The following EXOC6 variants were observed in gnomAD, a reference collection of about 807,000 sequenced individuals.
EXOC6 encodes SEC15-like 1.
EXOC6 carries 60 observed loss-of-function variants against 112.5 expected under a neutral mutation model. That is an observed-to-expected ratio of 0.53 (90% confidence interval 0.43 to 0.66). The LOEUF is 0.66. Among genes scored for constraint, EXOC6 ranks in the 30% least tolerant of loss-of-function variants. The probability of loss-of-function intolerance (pLI) is 0.00; values close to 1 mark genes in which losing one functional copy is unlikely to be tolerated. For synonymous variants in EXOC6, 295 were observed against 308.0 expected, an observed-to-expected ratio of 0.96 and a Z score of 0.44; for missense variants, 855 against 957.1, an observed-to-expected ratio of 0.89 and a Z score of 1.41.
chr10:92,969,910 T>C (rs185537427), intron 17 of EXOC6, among the ~76,000 whole-genome samples: 94 of 152,288 alleles, frequency 6.2e-4, no homozygotes, highest in African/African-American at 2.2e-3. Context: ...GCCAGGCTGG[T>C]CTCGAACTTC....
chr10:92,972,129 T>G (rs1222162480), intron 17 of EXOC6, among the ~76,000 whole-genome samples: 1 of 152,218 alleles, frequency 6.6e-6, no homozygotes, highest in Non-Finnish European at 1.5e-5. Context: ...AAGGGCTCCG[T>G]GCACATGTTG....
intron 20 of EXOC6, among the ~76,000 whole-genome samples, chr10:93,022,468 T>C (rs2134262521): frequency 6.6e-6 from 1 of 152,300 alleles, no homozygotes; most frequent in South Asian, 2.1e-4. Flanking sequence ...TAAAAGGGGC[T>C]TAAAATACTT....
At chr10:92,902,877 T>G (rs1264495813) in intron 5 of EXOC6, among the ~76,000 whole-genome samples, 1 of 152,176 alleles carries the variant, frequency 6.6e-6, no homozygotes, top group East Asian at 1.9e-4. Flanking sequence ...CCGATAATGT[T>G]TTTAAAATTC....
chr10:92,993,150 C>A (rs536604997), intron 18 of EXOC6, among the ~76,000 whole-genome samples: 1 of 152,040 alleles, frequency 6.6e-6, no homozygotes, highest in South Asian at 2.1e-4. Context: ...GATTTTATTT[C>A]GTTTTTCCTT....
At position 92,943,743 on chromosome 10, in the gene EXOC6, TCTA is replaced by T. The variant is rs544892766; in HGVS notation, c.1310+2922_1310+2924del. Among the ~76,000 whole-genome samples the T allele has an allele frequency of 3.3e-3, 501 of 152,018 alleles. 3 individuals carry two copies. Among genetic ancestry groups the T allele is most frequent in the African/African-American group, 0.011 (476 of 41,436 alleles). On this transcript the variant is annotated intron_variant, in intron 13 of 21. Transcript: ENST00000260762. Reference sequence around the variant, plus strand: ...TTTTTAGTGGTGCAAACATTTAAAATCTACTGTTGGCAATTTGAAATATATGTT... The same window carrying T: ...TTTTTAGTGGTGCAAACATTTAAAATCTGTTGGCAATTTGAAATATATGTT...
Position 92,955,590 on chromosome 10 carries a change from T to G in EXOC6, c.1649T>G (p.Ile550Ser). 2 of 1,610,516 alleles carry G rather than the reference T, an allele frequency of 1.2e-6. No homozygotes were observed. The highest frequency in any genetic ancestry group is 1.7e-6 in the Non-Finnish European group (2 of 1,178,270). Residue 550 changes from isoleucine (I) to serine (S), a missense_variant, in exon 17 of 22, where the codon ATC (isoleucine) becomes AGC (serine). This residue lies in a region of EXOC6 where 450 missense variants were observed against 563.5 expected (regional missense o/e 0.80). Transcript: ENST00000260762. ...TCTTGTGTTTTCTAGCTGGTACAAA[T>G]CATCATAAACACAACACACCTGGAG... Reference protein sequence around the residue: ...PHIGLTELVQIIINTTHLEQA... With the variant: ...PHIGLTELVQSIINTTHLEQA...
chr10:92,910,868 G>A (rs1850711078), intron 6 of EXOC6, among the ~76,000 whole-genome samples: 1 of 103,108 alleles, frequency 9.7e-6, no homozygotes, highest in Admixed American at 1.1e-4. Flanking sequence ...AGCGGAGCTT[G>A]TAGCGAGCCA....
chr10:92,954,914 A>G (rs1853606457), intron 16 of EXOC6, among the ~76,000 whole-genome samples, 173 bp downstream of exon 16: 1 of 152,198 alleles, frequency 6.6e-6, no homozygotes, highest in Non-Finnish European at 1.5e-5. Flanking sequence ...TGAGGATCCC[A>G]GGCACAGTGG....
chr10:93,051,149 T>C (rs1443810875), intron 20 of EXOC6, among the ~76,000 whole-genome samples: 2 of 51,564 alleles, frequency 3.9e-5, no homozygotes, highest in Admixed American at 3.8e-4. Flanking sequence ...GTATTCCTCT[T>C]TTTTTTTTTT....
At chr10:92,911,714 T>C (rs1850771806) in intron 6 of EXOC6, among the ~76,000 whole-genome samples, 1 of 152,166 alleles carries the variant, frequency 6.6e-6, no homozygotes, top group African/African-American at 2.4e-5. Context: ...ACAGAAACCT[T>C]TTCTTAGCAT....
chr10:92,847,557 G>A (rs1173931604), upstream of EXOC6, among the ~76,000 whole-genome samples: 2 of 152,202 alleles, frequency 1.3e-5, no homozygotes, highest in Non-Finnish European at 2.9e-5. Context: ...GCAGAAAGTA[G>A]TTGTTCCTCA....
intron 20 of EXOC6, among the ~76,000 whole-genome samples, chr10:93,019,648 A>C (rs577961657): frequency 6.6e-6 from 1 of 152,328 alleles, no homozygotes; most frequent in South Asian, 2.1e-4. Context: ...TTATAAAGCC[A>C]ATAAAGTTTA....
chr10:92,965,047 C>T lies in EXOC6; in HGVS notation c.1774-9006C>T, dbSNP rs566173355. ...GTAATTGACTTAAACTTAGCAAGAC[C>T]CAACCTTGGAGCTAGGTATCAGTTC... On this transcript the variant is annotated intron_variant, in intron 17 of 21. Coordinates refer to ENST00000260762, the MANE Select transcript of EXOC6 (RefSeq NM_019053.6). 4.0e-4 allele frequency among the ~76,000 whole-genome samples: 61 copies of T among 152,180 alleles called. 1 individual carries two copies. In the South Asian group the frequency reaches 0.013, roughly 32 times the overall value.
rs190153548 is a variant in EXOC6, at chr10:93,047,260, G to A, written c.2170-9664G>A. On this transcript the variant is annotated intron_variant, in intron 20 of 21. Coordinates refer to ENST00000260762, the MANE Select transcript of EXOC6 (RefSeq NM_019053.6). ...GGGATGGAAAGTTGGGAGAGGGCCA[G>A]GCACGGTGGCTCACGCCTATAATCC... Among the ~76,000 whole-genome samples, 30 of 152,354 alleles carry A rather than the reference G, an allele frequency of 2.0e-4. No homozygotes were observed. The East Asian group carries it at 5.6e-3, about 28-fold the overall frequency.
chr10:92,954,222 G>T (rs1853571418), intron 15 of EXOC6, among the ~76,000 whole-genome samples: 1 of 152,190 alleles, frequency 6.6e-6, no homozygotes, highest in Non-Finnish European at 1.5e-5. Flanking sequence ...TGGGGCTACA[G>T]TGAGCTATAA....
chr10:93,000,757 A>C (rs909283859), intron 19 of EXOC6, among the ~76,000 whole-genome samples: 1 of 152,140 alleles, frequency 6.6e-6, no homozygotes, highest in African/African-American at 2.4e-5. Context: ...ATTGATTAAA[A>C]ATTTTTGTGT....
At position 93,059,426 on chromosome 10, in the gene EXOC6, GA is replaced by G. The variant is rs1234318843; in HGVS notation, c.*1073del. 6.6e-6 allele frequency: 1 copy of G among 152,112 alleles called. No homozygotes were observed. The highest frequency in any genetic ancestry group is 2.4e-5 in the African/African-American group (1 of 41,428). 9.4% of individuals were successfully genotyped at this position (152,112 alleles called of 1,614,324 possible). ...CCTGATTCTGTAAAATAAGTGTAAA[GA>G]ATTATATGTACATCTCTGGATTTTG... On this transcript the variant is annotated 3_prime_UTR_variant, in exon 22 of 22. Coordinates refer to ENST00000260762, the MANE Select transcript of EXOC6 (RefSeq NM_019053.6).
At chr10:92,923,483 A>C (rs1851553212) in intron 8 of EXOC6, among the ~76,000 whole-genome samples, 1 of 152,176 alleles carries the variant, frequency 6.6e-6, no homozygotes, top group African/African-American at 2.4e-5. Flanking sequence ...TCTAGTCAAG[A>C]TGTCATGAGG....
intron 13 of EXOC6, among the ~76,000 whole-genome samples, chr10:92,942,272 G>A (rs1428971649): frequency 3.3e-5 from 5 of 152,288 alleles, no homozygotes; most frequent in South Asian, 2.1e-4. Flanking sequence ...TTGTGCACCT[G>A]TAATCCCAGC....
Sources: gnomAD v4.1 joint callset for allele counts (sites outside exome capture counted in the v4.1 genomes callset) on GRCh38, gnomAD v4.1.1 for gene constraint, gnomAD v4.1.1 regional missense constraint, MANE v1.5 for transcripts, NCBI Gene and HGNC (gene_info 2026-07-23, HGNC 2026-07-21) for gene names.